KCNC2: variants seen among roughly 807,000 people sequenced by gnomAD.
The protein encoded by KCNC2 is potassium voltage-gated channel subfamily C member 2, also known as voltage-gated potassium channel KCNC2.
A neutral mutation model predicts 44.5 loss-of-function variants in KCNC2; 21 were observed. That is an observed-to-expected ratio of 0.47 (90% CI 0.33 to 0.68). The LOEUF (loss-of-function observed/expected upper bound fraction) is 0.68, where lower values mean the gene tolerates loss of function less well. Among genes scored for constraint, KCNC2 ranks in the 30% least tolerant of loss-of-function variants. The pLI is 0.01. For synonymous variants in KCNC2, 391 were observed against 339.1 expected (o/e 1.15, Z -1.68); for missense variants, 589 against 826.2 (o/e 0.71, Z 3.52).
intron 2 of KCNC2, among the ~76,000 whole-genome samples, chr12:75,166,267 G>C (rs1891444431): frequency 6.6e-6 from 1 of 150,832 alleles, no homozygotes; most frequent in Non-Finnish European, 1.5e-5. Flanking sequence ...GAAAATATAA[G>C]TAGAAGCATA....
Position 75,151,345 on chromosome 12 carries a change from T to C in KCNC2, c.687+55952A>G, listed in dbSNP as rs886306878. Reference sequence around the variant, plus strand: ...GTTTGCAGTTGGAATTCACACTACCTGTACAGTATCAAGGTCTTCGTTCGG... The same window carrying C: ...GTTTGCAGTTGGAATTCACACTACCCGTACAGTATCAAGGTCTTCGTTCGG... On this transcript the variant is annotated intron_variant, in intron 2 of 4. Coordinates refer to ENST00000549446, the MANE Select transcript of KCNC2 (RefSeq NM_139137.4). Among the ~76,000 whole-genome samples the C allele has an allele frequency of 5.9e-5, 9 of 152,124 alleles. No individual in the cohort carries two copies. The East Asian group carries it at 1.4e-3, about 23-fold the overall frequency.
At position 75,050,864 on chromosome 12, in the gene KCNC2, C is replaced by A. The variant is rs750183803; in HGVS notation, c.1141G>T (p.Glu381Ter). 6.2e-7 allele frequency: 1 copy of A among 1,613,490 alleles called. No homozygotes were observed. The highest frequency in any genetic ancestry group is 1.1e-5 in the South Asian group (1 of 91,066). Residue 381 changes from glutamate (E) to a stop codon, truncating the protein, a stop_gained, in exon 3 of 5, where the codon GAA becomes TAA. Transcript: ENST00000549446. LOFTEE classifies it high-confidence loss of function. Reference protein sequence around the residue: ...LGHTLRASTNEFLLLIIFLAL... With the variant: ...LGHTLRASTN ...AGGAAAATTATCAGCAGCAAAAATT[C>A]ATTAGTACTAGCTCGAAGAGTATGT... is the stretch of plus-strand genomic sequence containing the variant.
At chr12:75,081,053 G>T (rs1460749246) in intron 2 of KCNC2, among the ~76,000 whole-genome samples, 1 of 151,944 alleles carries the variant, frequency 6.6e-6, no homozygotes, top group Non-Finnish European at 1.5e-5. Flanking sequence ...TTTTCAGAAT[G>T]CATTACTATT....
chr12:75,192,458 A>G (rs1174036858), intron 2 of KCNC2, among the ~76,000 whole-genome samples: 1 of 152,216 alleles, frequency 6.6e-6, no homozygotes, highest in African/African-American at 2.4e-5. Flanking sequence ...TGTACTTTCT[A>G]TGGAGACTCA....
intron 2 of KCNC2, among the ~76,000 whole-genome samples, chr12:75,174,316 C>G (rs1273394321): frequency 6.6e-6 from 1 of 151,686 alleles, no homozygotes; most frequent in Non-Finnish European, 1.5e-5. Context: ...ATTGAATTTA[C>G]TAAATATGTG....
intron 2 of KCNC2, among the ~76,000 whole-genome samples, chr12:75,066,994 G>A (rs1882895570): frequency 6.6e-6 from 1 of 152,110 alleles, no homozygotes; most frequent in African/African-American, 2.4e-5. Flanking sequence ...CATGAGTCCA[G>A]GAGTTCGAGA....
chr12:75,130,225 CAT>C (rs1888733656), intron 2 of KCNC2, among the ~76,000 whole-genome samples: 1 of 152,160 alleles, frequency 6.6e-6, no homozygotes. Flanking sequence ...CACACACGTA[CAT>C]ATACACACAC....
At chr12:75,125,366 C>A (rs554122023) in intron 2 of KCNC2, among the ~76,000 whole-genome samples, 2 of 152,248 alleles carry the variant, frequency 1.3e-5, no homozygotes, top group South Asian at 4.1e-4. Flanking sequence ...ATTAGACAAA[C>A]CGCTTTTGAC....
chr12:75,191,696 G>T lies in KCNC2; in HGVS notation c.687+15601C>A, dbSNP rs1018476265. Among the ~76,000 whole-genome samples the T allele has an allele frequency of 5.3e-5, 8 of 150,600 alleles. No individual in the cohort carries two copies. The East Asian group carries it at 9.8e-4, about 18-fold the overall frequency. On this transcript the variant is annotated intron_variant, in intron 2 of 4. Transcript: ENST00000549446. ...CTCCCGAGTAGCTGGGACTACAGGC[G>T]CCCGGCACCGCGCCCGGCTAATTTT...
intron 4 of KCNC2, among the ~76,000 whole-genome samples, chr12:75,046,021 A>G (rs1159010967): frequency 1.3e-5 from 2 of 151,840 alleles, no homozygotes. Flanking sequence ...AAACAGGAGA[A>G]GAAATGAATA....
At chr12:75,128,660 A>G (rs577177374) in intron 2 of KCNC2, among the ~76,000 whole-genome samples, 1 of 152,158 alleles carries the variant, frequency 6.6e-6, no homozygotes, top group African/African-American at 2.4e-5. Context: ...ACAGGAAAAA[A>G]AACAGATATT....
intron 2 of KCNC2, among the ~76,000 whole-genome samples, chr12:75,070,020 T>C (rs1883241171): frequency 6.6e-6 from 1 of 152,166 alleles, no homozygotes; most frequent in Non-Finnish European, 1.5e-5. Context: ...TCTCTCTGGT[T>C]CCTTTACTTG....
chr12:75,141,130 A>G (rs1021193111), intron 2 of KCNC2, among the ~76,000 whole-genome samples: 1 of 152,156 alleles, frequency 6.6e-6, no homozygotes, highest in Non-Finnish European at 1.5e-5. Context: ...CTGTTCTTAG[A>G]CACCTCTTAT....
At chr12:75,147,955 C>G (rs981937607) in intron 2 of KCNC2, among the ~76,000 whole-genome samples, 46 of 152,050 alleles carry the variant, frequency 3.0e-4, no homozygotes, top group Non-Finnish European at 2.5e-4. Flanking sequence ...AAATATCAGA[C>G]TTAGGAGTTT....
intron 2 of KCNC2, among the ~76,000 whole-genome samples, chr12:75,055,745 A>G (rs1881673954): frequency 6.6e-6 from 1 of 152,008 alleles, no homozygotes; most frequent in African/African-American, 2.4e-5. Context: ...TTTTTTTCCA[A>G]TCAGTGACCA....
At chr12:75,111,883 T>C (rs2926149) in intron 2 of KCNC2, among the ~76,000 whole-genome samples, 40,037 of 151,900 alleles carry the variant, frequency 0.26, 5,816 homozygotes, top group Middle Eastern at 0.4. Flanking sequence ...CAACAAGCTA[T>C]TCCACCAGTG....
chr12:75,081,557 G>C (rs900265773), intron 2 of KCNC2, among the ~76,000 whole-genome samples: 1 of 151,698 alleles, frequency 6.6e-6, no homozygotes, highest in Non-Finnish European at 1.5e-5. Flanking sequence ...ATAATAATTT[G>C]GTTGCTGGGT....
chr12:75,078,077 C>T (rs1165146109), intron 2 of KCNC2, among the ~76,000 whole-genome samples: 1 of 151,990 alleles, frequency 6.6e-6, no homozygotes, highest in Non-Finnish European at 1.5e-5. Context: ...CCTCCATTAT[C>T]GTGTGAATAT....
At chr12:75,169,087 A>G (rs1285654148) in intron 2 of KCNC2, among the ~76,000 whole-genome samples, 3 of 151,538 alleles carry the variant, frequency 2.0e-5, no homozygotes, top group Non-Finnish European at 4.4e-5. Context: ...TAAGTAATTT[A>G]TTACAGGGAG....
Sources: gnomAD v4.1 joint callset for allele counts (sites outside exome capture counted in the v4.1 genomes callset) on GRCh38, gnomAD v4.1.1 for gene constraint, MANE v1.5 for transcripts, NCBI Gene and HGNC (gene_info 2026-07-23, HGNC 2026-07-21) for gene names.